KANSL1L: variants seen among roughly 807,000 people sequenced by gnomAD.
KANSL1L encodes the protein KAT8 regulatory NSL complex subunit 1-like protein.
A neutral mutation model predicts 108.6 loss-of-function variants in KANSL1L; 25 were observed. The ratio of observed to expected loss-of-function variants is 0.23; its 90% confidence interval spans 0.17 to 0.32. The LOEUF (loss-of-function observed/expected upper bound fraction) is 0.32. Among genes scored for constraint, KANSL1L ranks in the 10% least tolerant of loss-of-function variants. KANSL1L has a pLI of 1.00. For missense variants in KANSL1L, 1,137 were observed against 1,125.7 expected, an observed-to-expected ratio of 1.01 and a Z score of -0.14; for synonymous variants, 405 against 395.1, an observed-to-expected ratio of 1.03 and a Z score of -0.30.
At chr2:210,053,215 G>A (rs541839062) in intron 6 of KANSL1L, among the ~76,000 whole-genome samples, 1 of 152,220 alleles carries the variant, frequency 6.6e-6, no homozygotes, top group African/African-American at 2.4e-5. Flanking sequence ...TTGGTCATAG[G>A]TGAAGTATCA....
intron 3 of KANSL1L, among the ~76,000 whole-genome samples, chr2:210,116,611 G>T (rs2094956659): frequency 6.6e-6 from 1 of 152,144 alleles, no homozygotes; most frequent in African/African-American, 2.4e-5. Context: ...GTAATCCAGA[G>T]AATGCTTTTG....
chr2:210,029,039 G>C, intron 10 of KANSL1L, 70 bp from the exon 11 acceptor site: 2 of 1,291,698 alleles, frequency 1.5e-6, no homozygotes, highest in Non-Finnish European at 2.2e-6. Flanking sequence ...CCTTTCATCA[G>C]TTATGTAAAT....
intron 8 of KANSL1L, among the ~76,000 whole-genome samples, chr2:210,033,522 CT>C (rs1322203357): frequency 6.6e-6 from 1 of 152,038 alleles, no homozygotes; most frequent in Non-Finnish European, 1.5e-5. Flanking sequence ...AAGGAATCAA[CT>C]TTCACAAAAG....
intron 5 of KANSL1L, chr2:210,097,092 C>T (rs2094743707): frequency 4.7e-6 from 1 of 214,400 alleles, no homozygotes; most frequent in Non-Finnish European, 8.0e-6. Flanking sequence ...TACAGGAGCA[C>T]ACCACCACGC....
At chr2:210,029,688 T>G in intron 10 of KANSL1L, 115 bp downstream of exon 10, 2 of 481,004 alleles carry the variant, frequency 4.2e-6, no homozygotes, top group Non-Finnish European at 7.3e-6. Context: ...GTTATAAATG[T>G]CTGTTAATAT....
chr2:210,166,888 A>C (rs1344817229), intron 1 of KANSL1L, among the ~76,000 whole-genome samples: 2 of 152,076 alleles, frequency 1.3e-5, no homozygotes, highest in Non-Finnish European at 2.9e-5. Context: ...AGAAAGAAAG[A>C]GTAGAAAAAA....
At chr2:210,075,014 A>AC (rs1310944694) in intron 6 of KANSL1L, among the ~76,000 whole-genome samples, 2 of 152,194 alleles carry the variant, frequency 1.3e-5, no homozygotes, top group East Asian at 3.8e-4. Flanking sequence ...GAATGTTTCT[A>AC]ATGAAGTATA....
rs1267660086 is a variant in KANSL1L at position 210,079,630 on chromosome 2, A to G, written c.1551-3874T>C. On this transcript the variant is annotated intron_variant, in intron 5 of 14. Coordinates refer to ENST00000281772, the MANE Select transcript of KANSL1L (RefSeq NM_152519.4). ...TGTATGTGTATATATATATATATATATATATATATATATATATATATATAT... is the reference window on the plus strand; with the variant it reads ...TGTATGTGTATATATATATATATATGTATATATATATATATATATATATAT... Among the ~76,000 whole-genome samples, 12 of 6,060 alleles carry G rather than the reference A, an allele frequency of 2.0e-3. 1 individual carries two copies. Among genetic ancestry groups the G allele is most frequent in the African/African-American group, 4.7e-3 (10 of 2,112 alleles). The allele number at this position is 6,060 out of a possible 152,430, so 4.0% of individuals were successfully genotyped here. A position where few individuals can be genotyped will look rare whatever the true frequency, so the allele number is the denominator to read the frequency against.
At chr2:210,111,155 A>G (rs940635841) in intron 3 of KANSL1L, among the ~76,000 whole-genome samples, 1 of 152,062 alleles carries the variant, frequency 6.6e-6, no homozygotes, top group Non-Finnish European at 1.5e-5. Context: ...GGACTCTGAA[A>G]AAAAAAAACA....
intron 6 of KANSL1L, among the ~76,000 whole-genome samples, chr2:210,045,789 G>C (rs1420539180): frequency 6.6e-6 from 1 of 151,900 alleles, no homozygotes; most frequent in Non-Finnish European, 1.5e-5. Context: ...ATTATTTCTG[G>C]TGATTAGTTA....
intron 6 of KANSL1L, among the ~76,000 whole-genome samples, chr2:210,045,625 A>G (rs974992954): frequency 2.6e-5 from 4 of 152,124 alleles, no homozygotes; most frequent in Admixed American, 2.0e-4. Context: ...TGCTACTATC[A>G]TAGTGTAGGT....
intron 7 of KANSL1L, among the ~76,000 whole-genome samples, 178 bp from the exon 8 acceptor site, chr2:210,040,705 T>C (rs2094155483): frequency 6.6e-6 from 1 of 152,132 alleles, no homozygotes; most frequent in African/African-American, 2.4e-5. Flanking sequence ...CCAAGCATGT[T>C]GGTAGCAGTA....
intron 6 of KANSL1L, among the ~76,000 whole-genome samples, chr2:210,072,441 G>T (rs914169522): frequency 6.6e-6 from 1 of 152,226 alleles, no homozygotes; most frequent in South Asian, 2.1e-4. Context: ...CAACTGGCAG[G>T]AGGCACTTTA....
At chr2:210,067,716 CAA>C (rs569072484) in intron 6 of KANSL1L, among the ~76,000 whole-genome samples, 108 of 92,908 alleles carry the variant, frequency 1.2e-3, no homozygotes, top group African/African-American at 4.5e-3. Context: ...ACCCTGTCTC[CAA>C]AAAAAAAAAA....
intron 5 of KANSL1L, among the ~76,000 whole-genome samples, chr2:210,083,686 G>A (rs560719420): frequency 9.9e-5 from 15 of 151,810 alleles, no homozygotes; most frequent in South Asian, 4.2e-4. Flanking sequence ...AAAATTAGCC[G>A]GGCGAGGTGG....
intron 6 of KANSL1L, among the ~76,000 whole-genome samples, chr2:210,057,153 G>A (rs1201220892): frequency 6.6e-6 from 1 of 152,154 alleles, no homozygotes; most frequent in Admixed American, 6.5e-5. Flanking sequence ...TGTAATCCCA[G>A]CACTTTGTGA....
chr2:210,079,706 A>ATATATATGTATGTGTG (rs1559540037), intron 5 of KANSL1L: 3 of 125,088 alleles, frequency 2.4e-5, no homozygotes, highest in African/African-American at 9.9e-5. Flanking sequence ...GTGTGTATAT[A>ATATATATGTATGTGTG]TATATATATA....
chr2:210,054,154 A>T (rs955279014), intron 6 of KANSL1L, among the ~76,000 whole-genome samples: 4 of 148,494 alleles, frequency 2.7e-5, no homozygotes, highest in African/African-American at 7.4e-5. Context: ...ATCTCTAATT[A>T]AAAAAAAAAT....
rs186263055 is a variant in KANSL1L at position 210,042,002 on chromosome 2, G to A, written c.1922-1475C>T. On this transcript the variant is annotated intron_variant, in intron 7 of 14. Transcript: ENST00000281772. Reference sequence around the variant, plus strand: ...TGCTCCTTAAACATTTCAGGATTCTGATATTTTCCAATTACCTGAACATAA... The same window carrying A: ...TGCTCCTTAAACATTTCAGGATTCTAATATTTTCCAATTACCTGAACATAA... Among the ~76,000 whole-genome samples the A allele has an allele frequency of 3.2e-3, 482 of 152,262 alleles. 3 individuals carry two copies. The highest frequency in any genetic ancestry group is 0.011 in the African/African-American group (460 of 41,544).
Sources: allele counts gnomAD v4.1 joint callset (sites outside exome capture counted in the v4.1 genomes callset), GRCh38; gene constraint gnomAD v4.1.1; transcripts MANE v1.5; gene names NCBI Gene and HGNC (gene_info 2026-07-23, HGNC 2026-07-21).